The following SAP130 variants were observed in gnomAD, a reference collection of about 807,000 sequenced individuals.
The protein encoded by SAP130 is histone deacetylase complex subunit SAP130.
SAP130 carries 16 observed loss-of-function variants against 103.2 expected under a neutral mutation model. The observed-to-expected ratio is 0.16, with a 90% CI of 0.10 to 0.24. The LOEUF is 0.24. SAP130 is among the 10% of genes least tolerant of loss of function. The pLI, the probability that SAP130 is intolerant of heterozygous loss-of-function variation, is 1.00. For missense variants in SAP130, 990 were observed against 1,359.7 expected, an observed-to-expected ratio of 0.73 and a Z score of 4.28; for synonymous variants, 477 against 497.0, an observed-to-expected ratio of 0.96 and a Z score of 0.53.
chr2:127,956,827 T>C (rs1357039473), intron 15 of SAP130, among the ~76,000 whole-genome samples: 1 of 152,162 alleles, frequency 6.6e-6, no homozygotes. Context: ...TGGTGTCTTC[T>C]GCAAAACTGA....
intron 15 of SAP130, among the ~76,000 whole-genome samples, chr2:127,970,581 T>C (rs921795481): frequency 7.3e-5 from 10 of 137,320 alleles, no homozygotes; most frequent in Non-Finnish European, 1.4e-4. Context: ...CCGGGCATGG[T>C]GATGCATGCC....
chr2:127,981,247 T>A (rs933197456), intron 14 of SAP130, among the ~76,000 whole-genome samples: 10 of 151,092 alleles, frequency 6.6e-5, no homozygotes, highest in Non-Finnish European at 1.5e-5. Flanking sequence ...AAAAAACATC[T>A]CCAGGATGCG....
chr2:128,027,706 G>C (rs1461253735), intron 1 of SAP130, among the ~76,000 whole-genome samples: 1 of 137,780 alleles, frequency 7.3e-6, no homozygotes, highest in Non-Finnish European at 1.6e-5. Flanking sequence ...CCCACGCCCG[G>C]GTCAGCCCAC....
chr2:127,976,577 G>A (rs1042655092), intron 15 of SAP130, among the ~76,000 whole-genome samples: 27 of 152,162 alleles, frequency 1.8e-4, no homozygotes, highest in African/African-American at 6.3e-4. Context: ...GTAAAAGTGC[G>A]AGACATAAAA....
intron 1 of SAP130, chr2:128,027,098 C>T: frequency 1.4e-6 from 2 of 1,414,912 alleles, no homozygotes; most frequent in South Asian, 1.6e-5. Context: ...TTACCTGTAG[C>T]CGCCGCCCGC....
chr2:127,978,245 A>G (rs1166959604), intron 14 of SAP130, among the ~76,000 whole-genome samples, 156 bp from the exon 15 acceptor site: 1 of 152,122 alleles, frequency 6.6e-6, no homozygotes, highest in Non-Finnish European at 1.5e-5. Context: ...CTCGGATACC[A>G]CAGACACATT....
chr2:127,997,464 A>G (rs1398334869), intron 10 of SAP130, among the ~76,000 whole-genome samples: 2 of 152,170 alleles, frequency 1.3e-5, no homozygotes, highest in African/African-American at 4.8e-5. Context: ...ATTTAACACC[A>G]AAGGTAAGCT....
At chr2:128,021,617 G>C (rs1470080098) in intron 2 of SAP130, among the ~76,000 whole-genome samples, 1 of 152,134 alleles carries the variant, frequency 6.6e-6, no homozygotes, top group Non-Finnish European at 1.5e-5. Flanking sequence ...TGGTTTACAA[G>C]AAAAGTTCAA....
At chr2:127,950,767 TCTC>T (rs1679445428) in intron 16 of SAP130, among the ~76,000 whole-genome samples, 1 of 152,152 alleles carries the variant, frequency 6.6e-6, no homozygotes, top group Non-Finnish European at 1.5e-5. Context: ...GCAGGTGTGA[TCTC>T]CTTGTCTTCT....
At position 127,942,555 on chromosome 2, in the gene SAP130, G is replaced by T; in HGVS notation, c.2902-18C>A. On this transcript the variant is annotated intron_variant, in intron 19 of 20. Coordinates refer to ENST00000643581, the MANE Select transcript of SAP130 (RefSeq NM_001330301.2). This position sits in a 1 kb window ranked among gnomAD's most constrained non-coding sequence, Gnocchi z 4.8. ...AGATTCGTCTGCAACACACAAAAGG[G>T]AGGGTATCATAAGCTCGGAAATATT... The T allele has an allele frequency of 7.0e-7, 1 of 1,437,800 alleles. No individual in the cohort carries two copies. Among genetic ancestry groups the T allele is most frequent in the African/African-American group, 1.4e-5 (1 of 71,610 alleles). 89.1% of individuals were successfully genotyped at this position (1,437,800 alleles called of 1,614,324 possible). A position where few individuals can be genotyped will look rare whatever the true frequency, so the allele number is the denominator to read the frequency against.
In SAP130 at chr2:128,000,445, G is replaced by A. The variant is rs2105088732; in HGVS notation, c.879C>T (p.Thr293=). ...CAGATGGAGGATGCTGGATAGACAA[G>A]GTTGGCCTACTGAAAAGATAACAAA... is the stretch of plus-strand genomic sequence containing the variant. ...HATDSALSRP[T]LSIQHPPSAA... The change falls in exon 8 of 21, where the codon ACC becomes ACT. Residue 293 remains threonine, a synonymous_variant. Transcript: ENST00000643581. The A allele has an allele frequency of 6.2e-7, 1 of 1,614,142 alleles. No homozygotes were observed. The highest frequency in any genetic ancestry group is 8.5e-7 in the Non-Finnish European group (1 of 1,180,004).
chr2:128,027,383 C>T, intron 1 of SAP130: 1 of 1,144,904 alleles, frequency 8.7e-7, no homozygotes, highest in Non-Finnish European at 1.1e-6. Context: ...CCACAGCGAC[C>T]TGCACGTTCA....
intron 2 of SAP130, among the ~76,000 whole-genome samples, chr2:128,023,055 G>A (rs1431518866): frequency 6.6e-6 from 1 of 150,676 alleles, no homozygotes; most frequent in East Asian, 2.0e-4. Flanking sequence ...GTGCAGTGGC[G>A]CTATCTTGGC....
At chr2:128,019,629 T>G (rs1297801387) in intron 2 of SAP130, among the ~76,000 whole-genome samples, 1 of 151,128 alleles carries the variant, frequency 6.6e-6, no homozygotes, top group African/African-American at 2.4e-5. Context: ...TTCACGCCTG[T>G]AATCCCAGCA....
intron 12 of SAP130, among the ~76,000 whole-genome samples, chr2:127,992,119 G>A (rs1682852183): frequency 6.6e-6 from 1 of 151,908 alleles, no homozygotes; most frequent in Non-Finnish European, 1.5e-5. Context: ...CTAGAGGCAC[G>A]CACCACCATG....
intron 18 of SAP130, among the ~76,000 whole-genome samples, chr2:127,946,843 C>A (rs746303698): frequency 4.0e-5 from 6 of 150,672 alleles, no homozygotes; most frequent in Non-Finnish European, 8.9e-5. Flanking sequence ...AAGATCGCAC[C>A]ATTGTACTGC....
intron 14 of SAP130, among the ~76,000 whole-genome samples, chr2:127,983,213 A>G (rs1682084791): frequency 6.6e-6 from 1 of 152,232 alleles, no homozygotes; most frequent in Non-Finnish European, 1.5e-5. Flanking sequence ...AGAAGGCCAT[A>G]TGGTACTACT....
intron 3 of SAP130, 96 bp downstream of exon 3, chr2:128,017,584 A>G: frequency 9.4e-7 from 1 of 1,064,940 alleles, no homozygotes; most frequent in Non-Finnish European, 1.4e-6. Context: ...ATGAAATGTG[A>G]TCCTAAGATA....
At position 127,947,823 on chromosome 2, in the gene SAP130, G is replaced by A. The variant is rs149560024; in HGVS notation, c.2797+2046C>T. Among the ~76,000 whole-genome samples the A allele has an allele frequency of 4.0e-4, 51 of 129,046 alleles. 1 individual carries two copies. In the South Asian group the frequency reaches 9.6e-3, roughly 24 times the overall value. The allele number at this position is 129,046 out of a possible 152,430, so 84.7% of individuals were successfully genotyped here. On this transcript the variant is annotated intron_variant, in intron 18 of 20. Transcript: ENST00000643581. ...GTGTTTTGAGACGGAGTCTCACTCT[G>A]TCACCTAGGCTGAAGAGCAGTAGCA...
Sources: gnomAD v4.1 joint callset for allele counts (sites outside exome capture counted in the v4.1 genomes callset) on GRCh38, gnomAD v4.1.1 for gene constraint, Gnocchi (gnomAD v3.1) non-coding constraint, MANE v1.5 for transcripts, NCBI Gene and HGNC (gene_info 2026-07-23, HGNC 2026-07-21) for gene names.